The following HS6ST3 variants were observed in gnomAD, a reference collection of about 807,000 sequenced individuals.
The protein encoded by HS6ST3 is heparan sulfate 6-O-sulfotransferase 3.
Under a neutral mutation model 36.7 loss-of-function variants are expected in HS6ST3, and 12 were observed. That is an observed-to-expected ratio of 0.33 (90% CI 0.21 to 0.53). The LOEUF (loss-of-function observed/expected upper bound fraction) is 0.53. Ranked by LOEUF, HS6ST3 falls within the 20% of genes least tolerant of loss-of-function variation. HS6ST3 has a pLI of 0.95. For synonymous variants in HS6ST3, 240 were observed against 257.5 expected, an observed-to-expected ratio of 0.93 and a Z score of 0.65; for missense variants, 584 against 640.9, an observed-to-expected ratio of 0.91 and a Z score of 0.96.
intron 1 of HS6ST3, among the ~76,000 whole-genome samples, chr13:96,714,392 A>G (rs1044380092): frequency 3.3e-5 from 5 of 152,182 alleles, no homozygotes; most frequent in African/African-American, 4.8e-5. Context: ...TAAACATATG[A>G]AAAGATGCTC....
Position 96,382,021 on chromosome 13 carries a change from C to T in HS6ST3, c.707+290452C>T, listed in dbSNP as rs528302283. On this transcript the variant is annotated intron_variant, in intron 1 of 1. Coordinates refer to ENST00000376705, the MANE Select transcript of HS6ST3 (RefSeq NM_153456.4). The stretch of plus-strand genomic sequence containing the variant: ...TGGTAGTATCAAGAAGGCACGGTGG[C>T]TCATGGCTCCCAAAGGAGGATGTGA... Among the ~76,000 whole-genome samples the T allele has an allele frequency of 1.8e-4, 27 of 152,216 alleles. No homozygotes were observed. The South Asian group carries it at 5.0e-3, about 28-fold the overall frequency.
chr13:96,387,846 A>G (rs1437266062), intron 1 of HS6ST3, among the ~76,000 whole-genome samples: 3 of 152,094 alleles, frequency 2.0e-5, no homozygotes, highest in Non-Finnish European at 4.4e-5. Flanking sequence ...GGTTCTGTAA[A>G]TTCTCTCTTT....
intron 1 of HS6ST3, among the ~76,000 whole-genome samples, chr13:96,104,358 C>CA (rs2053831499): frequency 1.3e-5 from 2 of 152,256 alleles, no homozygotes; most frequent in South Asian, 2.1e-4. Context: ...ATTTCCATGG[C>CA]TTGAGACCTG....
intron 1 of HS6ST3, chr13:96,574,127 G>A (rs954898873): frequency 2.8e-5 from 15 of 537,150 alleles, no homozygotes; most frequent in East Asian, 1.0e-4. Flanking sequence ...CAGGGAATAC[G>A]TTAGCCATTG....
At chr13:96,571,256 A>T (rs2056300066) in intron 1 of HS6ST3, among the ~76,000 whole-genome samples, 1 of 152,194 alleles carries the variant, frequency 6.6e-6, no homozygotes, top group African/African-American at 2.4e-5. Context: ...GTTCATCGTA[A>T]TCTGCTATGG....
intron 1 of HS6ST3, among the ~76,000 whole-genome samples, chr13:96,584,717 G>A (rs1469087835): frequency 6.6e-6 from 1 of 152,148 alleles, no homozygotes; most frequent in Non-Finnish European, 1.5e-5. Flanking sequence ...TTGAGCTCCT[G>A]GAGAAATGTA....
intron 1 of HS6ST3, among the ~76,000 whole-genome samples, chr13:96,790,466 T>A (rs1176899987): frequency 6.6e-6 from 1 of 152,012 alleles, no homozygotes; most frequent in East Asian, 1.9e-4. Context: ...CTACTTCATG[T>A]TAAGTAACAT....
At chr13:96,174,958 G>C (rs921875125) in intron 1 of HS6ST3, among the ~76,000 whole-genome samples, 1 of 152,162 alleles carries the variant, frequency 6.6e-6, no homozygotes, top group Non-Finnish European at 1.5e-5. Flanking sequence ...ACACAATGAA[G>C]ATAAGCATTC....
intron 1 of HS6ST3, among the ~76,000 whole-genome samples, chr13:96,505,887 T>C (rs574567663): frequency 9.1e-4 from 139 of 152,280 alleles, no homozygotes; most frequent in South Asian, 4.3e-3. Context: ...GTGCTTTTAA[T>C]TGGATATTGT....
intron 1 of HS6ST3, among the ~76,000 whole-genome samples, chr13:96,781,524 TA>T (rs774682129): frequency 1.6e-4 from 25 of 152,242 alleles, no homozygotes; most frequent in Non-Finnish European, 2.8e-4. Context: ...CTGATCTTGA[TA>T]TTCAGTAGCT....
At chr13:96,817,098 A>C in intron 1 of HS6ST3, among the ~76,000 whole-genome samples, 1 of 152,048 alleles carries the variant, frequency 6.6e-6, no homozygotes, top group Non-Finnish European at 1.5e-5. Flanking sequence ...TCCAGAACTA[A>C]TGGCTGTCGC....
At chr13:96,768,058 GTTTTC>G (rs1877165063) in intron 1 of HS6ST3, among the ~76,000 whole-genome samples, 1 of 152,138 alleles carries the variant, frequency 6.6e-6, no homozygotes, top group Non-Finnish European at 1.5e-5. Flanking sequence ...ATACCACCTT[GTTTTC>G]TTTTCTGTCT....
intron 1 of HS6ST3, among the ~76,000 whole-genome samples, chr13:96,720,003 G>T (rs1438093540): frequency 6.6e-6 from 1 of 152,110 alleles, no homozygotes; most frequent in Non-Finnish European, 1.5e-5. Context: ...CTAACAAATT[G>T]CAGGGTGCAT....
chr13:96,290,403 G>C (rs1466364765), intron 1 of HS6ST3, among the ~76,000 whole-genome samples: 1 of 152,096 alleles, frequency 6.6e-6, no homozygotes, highest in East Asian at 1.9e-4. Flanking sequence ...GAGATAAAAA[G>C]GCCTTTCAAA....
chr13:96,813,200 A>G (rs1478548513), intron 1 of HS6ST3, among the ~76,000 whole-genome samples: 1 of 152,250 alleles, frequency 6.6e-6, no homozygotes, highest in African/African-American at 2.4e-5. Flanking sequence ...GAATCTGACA[A>G]AAAGGAGTAA....
intron 1 of HS6ST3, among the ~76,000 whole-genome samples, chr13:96,242,122 G>C (rs568762115): frequency 1.3e-5 from 2 of 151,930 alleles, no homozygotes; most frequent in South Asian, 4.2e-4. Flanking sequence ...AGTGGGGGCC[G>C]GGCGCATAAC....
intron 1 of HS6ST3, among the ~76,000 whole-genome samples, chr13:96,584,061 A>G (rs2056352092): frequency 6.6e-6 from 1 of 152,126 alleles, no homozygotes; most frequent in Admixed American, 6.6e-5. Context: ...ACACTATCAT[A>G]TTTACCTAAG....
chr13:96,819,509 A>T (rs1267438784), intron 1 of HS6ST3, among the ~76,000 whole-genome samples: 1 of 152,172 alleles, frequency 6.6e-6, no homozygotes, highest in Non-Finnish European at 1.5e-5. Context: ...TAAAGCGTTA[A>T]TTTTGTGTTT....
At chr13:96,407,225 A>C (rs1419619617) in intron 1 of HS6ST3, among the ~76,000 whole-genome samples, 1 of 152,036 alleles carries the variant, frequency 6.6e-6, no homozygotes, top group Non-Finnish European at 1.5e-5. Flanking sequence ...AGTTTCTGTC[A>C]GTTTGATCTT....
Sources: allele counts gnomAD v4.1 joint callset (sites outside exome capture counted in the v4.1 genomes callset), GRCh38; gene constraint gnomAD v4.1.1; transcripts MANE v1.5; gene names NCBI Gene and HGNC (gene_info 2026-07-23, HGNC 2026-07-21).